MSH6: variants seen among roughly 807,000 people sequenced by gnomAD.
MSH6 encodes mutS homolog 6.
A neutral mutation model predicts 119.1 loss-of-function variants in MSH6; 85 were observed. The ratio of observed to expected loss-of-function variants is 0.71; its 90% confidence interval spans 0.60 to 0.85. The LOEUF is 0.85. Ranked by LOEUF, MSH6 falls within the 40% of genes least tolerant of loss-of-function variation. The pLI, the probability that MSH6 is intolerant of heterozygous loss-of-function variation, is 0.00. For missense variants in MSH6, 2,163 were observed against 1,655.3 expected, an observed-to-expected ratio of 1.31 and a Z score of -5.32; for synonymous variants, 830 against 586.9, an observed-to-expected ratio of 1.41 and a Z score of -5.99.
rs1669312251 is a variant in MSH6 at position 47,799,234 on chromosome 2, G to A, written c.1251G>A (p.Lys417=). The change falls in exon 4 of 10, where the codon AAG becomes AAA. Residue 417 remains lysine, a synonymous_variant. Transcript: ENST00000234420. ...TPGMRKWWQI[K]SQNFDLVICY... ...GGATGAGGAAGTGGTGGCAGATTAAGTCTCAGAACTTTGATCTTGTCATCT... is the reference window on the plus strand; with the variant it reads ...GGATGAGGAAGTGGTGGCAGATTAAATCTCAGAACTTTGATCTTGTCATCT... The A allele has an allele frequency of 6.2e-7, 1 of 1,614,046 alleles. No individual in the cohort carries two copies. Among genetic ancestry groups the A allele is most frequent in the African/African-American group, 1.3e-5 (1 of 74,920 alleles).
In MSH6 at chr2:47,800,995, A is replaced by G. The variant is rs864622378; in HGVS notation, c.3012A>G (p.Lys1004=). 6.4e-7 allele frequency: 1 copy of G among 1,562,352 alleles called. No homozygotes were observed. The highest frequency in any genetic ancestry group is 8.6e-7 in the Non-Finnish European group (1 of 1,156,576). ...TGAAATCTACCAAGAAGGGCTGTAA[A>G]CGATACTGGACCAAAACTATTGAAA... The part of the protein sequence containing the change: ...YELKSTKKGC[K]RYWTKTIEKK... Residue 1004 remains lysine, a synonymous_variant, in exon 4 of 10, where the codon AAA becomes AAG. Transcript: ENST00000234420.
At chr2:47,790,433 G>A (rs1210847844) in intron 1 of MSH6, among the ~76,000 whole-genome samples, 2 of 152,072 alleles carry the variant, frequency 1.3e-5, no homozygotes, top group Non-Finnish European at 2.9e-5. Flanking sequence ...GGTAGCTTTT[G>A]GAATACATAG....
chr2:47,783,988 C>T, intron 1 of MSH6: 1 of 1,031,800 alleles, frequency 9.7e-7, no homozygotes, highest in Non-Finnish European at 1.2e-6. Context: ...AAGGAGGTTC[C>T]TCGGCCGGCG....
rs1572720532 is a variant in MSH6 at position 47,798,827 on chromosome 2, G to T, written c.844G>T (p.Val282Leu). The change falls in exon 4 of 10, where the codon GTG becomes TTG. Residue 282 changes from valine to leucine, a missense_variant. Transcript: ENST00000234420. ...EGSSDEISSGVGDSESEGLNS... is the reference protein window; with the variant it reads ...EGSSDEISSGLGDSESEGLNS... ...AAGCAGTGATGAAATAAGCAGTGGA[G>T]TGGGGGATAGTGAGAGTGAAGGCCT... 6.2e-7 allele frequency: 1 copy of T among 1,614,196 alleles called. No homozygotes were observed. Among genetic ancestry groups the T allele is most frequent in the Non-Finnish European group, 8.5e-7 (1 of 1,180,032 alleles).
downstream of MSH6, chr2:47,808,630 A>G: frequency 2.0e-6 from 1 of 493,306 alleles, no homozygotes; most frequent in Non-Finnish European, 3.5e-6. Context: ...GGGAAGAGAA[A>G]TGATTTGTAA....
intron 1 of MSH6, among the ~76,000 whole-genome samples, chr2:47,787,855 A>C (rs899545407): frequency 3.9e-5 from 6 of 152,098 alleles, no homozygotes; most frequent in African/African-American, 1.2e-4. Flanking sequence ...CTGGGCTCTT[A>C]AGAGATCCTC....
Position 47,806,927 on chromosome 2 carries a change from C to CTAAT in MSH6, c.*68_*71dup, listed in dbSNP as rs953470502. On this transcript the variant is annotated 3_prime_UTR_variant, in exon 10 of 10. Coordinates refer to ENST00000234420, the MANE Select transcript of MSH6 (RefSeq NM_000179.3). ...TGGTAAATTCAGACAACATTATGATCTAATAAACTTTATTTTTTAAAAATG... is the reference window on the plus strand; with the variant it reads ...TGGTAAATTCAGACAACATTATGATCTAATTAATAAACTTTATTTTTTAAAAATG... The CTAAT allele has an allele frequency of 1.2e-5, 14 of 1,168,010 alleles. No homozygotes were observed. The highest frequency in any genetic ancestry group is 3.9e-5 in the South Asian group (3 of 77,796). 72.4% of individuals were successfully genotyped at this position (1,168,010 alleles called of 1,614,324 possible). A position where few individuals can be genotyped will look rare whatever the true frequency, so the allele number is the denominator to read the frequency against.
In MSH6 at chr2:47,800,863, C is replaced by A. The variant is rs1057520440; in HGVS notation, c.2880C>A (p.Asn960Lys). The change falls in exon 4 of 10, where the codon AAC becomes AAA. Residue 960 changes from asparagine (N) to lysine (K), a missense_variant. Asn to Lys is a moderately conservative substitution (Grantham distance 94). Coordinates refer to ENST00000234420, the MANE Select transcript of MSH6 (RefSeq NM_000179.3). ...TGGAATACCTAGAGAAACAGCGCAA[C>A]AGAATTGGCTGTAGGACCATAGTCT... Reference protein sequence around the residue: ...SLLEYLEKQRNRIGCRTIVYW... With the variant: ...SLLEYLEKQRKRIGCRTIVYW... 6.2e-7 allele frequency: 1 copy of A among 1,613,844 alleles called. No individual in the cohort carries two copies. The highest frequency in any genetic ancestry group is 8.5e-7 in the Non-Finnish European group (1 of 1,179,920).
downstream of MSH6, chr2:47,808,063 A>G: frequency 6.8e-7 from 1 of 1,464,558 alleles, no homozygotes; most frequent in Non-Finnish European, 9.3e-7. Flanking sequence ...TCTTCCAAAA[A>G]AGTGTTTTAA....
At chr2:47,808,561 T>G, downstream of MSH6, 1 of 653,130 alleles carries the variant, frequency 1.5e-6, no homozygotes, top group South Asian at 2.8e-5. Flanking sequence ...CAGCCCAGAT[T>G]AATTCTGAAA....
chr2:47,801,339 G>A (rs1185068375), intron 4 of MSH6, 184 bp downstream of exon 4: 1 of 270,040 alleles, frequency 3.7e-6, no homozygotes, highest in African/African-American at 2.5e-5. Context: ...TTTTATCTTA[G>A]TAGCCCTTTG....
rs3136231 is a variant in MSH6, at chr2:47,783,758, G to A, written c.260+265G>A. 3,014 of 491,384 alleles carry A rather than the reference G, an allele frequency of 6.1e-3. 18 individuals are homozygous for A. The highest frequency in any genetic ancestry group is 7.1e-3 in the Non-Finnish European group (2,253 of 318,564). 30.4% of individuals were successfully genotyped at this position (491,384 alleles called of 1,614,324 possible). A position where few individuals can be genotyped will look rare whatever the true frequency, so the allele number is the denominator to read the frequency against. ...CGCGGAGAGTTCGGGCCTTTTGGAGGGAGGAGACGCGTCCCGCCAGGTGGG... is the reference window on the plus strand; with the variant it reads ...CGCGGAGAGTTCGGGCCTTTTGGAGAGAGGAGACGCGTCCCGCCAGGTGGG... On this transcript the variant is annotated intron_variant, in intron 1 of 9. Coordinates refer to ENST00000234420, the MANE Select transcript of MSH6 (RefSeq NM_000179.3).
intron 2 of MSH6, among the ~76,000 whole-genome samples, chr2:47,793,492 C>T (rs938584834): frequency 1.3e-5 from 2 of 150,964 alleles, no homozygotes; most frequent in Admixed American, 6.6e-5. Context: ...GCTGAAATCC[C>T]AGCTACTCGT....
At chr2:47,802,782 A>G (rs980218208) in intron 4 of MSH6, among the ~76,000 whole-genome samples, 8 of 152,134 alleles carry the variant, frequency 5.3e-5, no homozygotes, top group Non-Finnish European at 7.4e-5. Context: ...TTACTGGGTA[A>G]TTTAAAATTC....
rs869312600 is a variant in MSH6, at chr2:47,795,376, G to T, written c.458-518G>T. ...ATACTTGTCATTCTTGTTCATTAGG[G>T]CAAATGTTGTAGGTTGAGTCAAGTG... On this transcript the variant is annotated intron_variant, in intron 2 of 9. Coordinates refer to ENST00000234420, the MANE Select transcript of MSH6 (RefSeq NM_000179.3). Among the ~76,000 whole-genome samples the T allele has an allele frequency of 7.9e-5, 12 of 151,212 alleles. No individual in the cohort carries two copies. Among genetic ancestry groups the T allele is most frequent in the African/African-American group, 2.9e-4 (12 of 41,156 alleles).
chr2:47,785,481 G>A (rs1046399701), intron 1 of MSH6, among the ~76,000 whole-genome samples: 2 of 152,088 alleles, frequency 1.3e-5, no homozygotes, highest in South Asian at 2.1e-4. Flanking sequence ...GCCTCCCAAA[G>A]TGCTGGGATT....
chr2:47,809,499 T>TAACTTGGAGAGTGACATAAG, downstream of MSH6: 1 of 869,704 alleles, frequency 1.1e-6, no homozygotes, highest in Non-Finnish European at 1.8e-6. Flanking sequence ...AAACTGTTGC[T>TAACTTGGAGAGTGACATAAG]AACTTGGAGA....
intron 1 of MSH6, chr2:47,783,715 A>G (rs1023705357): frequency 8.0e-6 from 4 of 498,408 alleles, no homozygotes; most frequent in Admixed American, 8.8e-5. Flanking sequence ...CTGTGCAGGA[A>G]GAGGGCTGCA....
intron 1 of MSH6, among the ~76,000 whole-genome samples, chr2:47,787,686 G>T (rs1341846947): frequency 6.6e-6 from 1 of 152,080 alleles, no homozygotes; most frequent in East Asian, 1.9e-4. Context: ...GGCAGATCTC[G>T]GTTCACTGCA....
Sources: allele counts gnomAD v4.1 joint callset (sites outside exome capture counted in the v4.1 genomes callset), GRCh38; gene constraint gnomAD v4.1.1; transcripts MANE v1.5; gene names NCBI Gene and HGNC (gene_info 2026-07-23, HGNC 2026-07-21).